Variants in WIPF1 observed in about 807,000 individuals in gnomAD.
The protein encoded by WIPF1 is WAS/WASL interacting protein family member 1, also known as WAS/WASL-interacting protein family member 1.
WIPF1 carries 13 observed loss-of-function variants against 35.4 expected under a neutral mutation model. That is an observed-to-expected ratio of 0.37 (90% CI 0.24 to 0.58). The LOEUF is 0.58. Ranked by LOEUF, WIPF1 falls within the 20% of genes least tolerant of loss-of-function variation. The pLI is 0.74. For missense variants in WIPF1, 591 were observed against 667.0 expected (o/e 0.89, Z 1.25); for synonymous variants, 267 against 266.3 (o/e 1.00, Z -0.02).
intron 1 of WIPF1, among the ~76,000 whole-genome samples, chr2:174,657,807 G>A (rs1687675299): frequency 1.3e-5 from 2 of 151,936 alleles, no homozygotes; most frequent in African/African-American, 4.8e-5. Context: ...CTACTCGGGA[G>A]GCTGGGGCAG....
intron 1 of WIPF1, among the ~76,000 whole-genome samples, chr2:174,615,383 A>G (rs901025927): frequency 1.3e-5 from 2 of 152,174 alleles, no homozygotes; most frequent in African/African-American, 4.8e-5. Context: ...ATCACTATAA[A>G]TGTAGCATGG....
At chr2:174,605,270 CA>C (rs769646502) in intron 1 of WIPF1, among the ~76,000 whole-genome samples, 12 of 151,982 alleles carry the variant, frequency 7.9e-5, no homozygotes, top group Non-Finnish European at 1.5e-4. Flanking sequence ...CTGTCCCTAC[CA>C]AAAATACAAA....
intron 1 of WIPF1, among the ~76,000 whole-genome samples, chr2:174,617,914 AG>A (rs367805439): frequency 2.0e-5 from 3 of 152,242 alleles, no homozygotes; most frequent in African/African-American, 7.2e-5. Flanking sequence ...GGAAAGGCAG[AG>A]GTTCAATAAA....
chr2:174,682,878 G>A (rs1452820361), exon 1 of WIPF1: 1 of 152,198 alleles, frequency 6.6e-6, no homozygotes, highest in Non-Finnish European at 1.5e-5. Context: ...GGCAGGAAAA[G>A]CGCTCAGCGC....
chr2:174,656,684 C>T (rs1392977941), intron 1 of WIPF1, among the ~76,000 whole-genome samples: 5 of 152,190 alleles, frequency 3.3e-5, no homozygotes. Context: ...AATCCCATGG[C>T]CAACCTATCC....
intron 1 of WIPF1, among the ~76,000 whole-genome samples, chr2:174,632,902 T>G (rs1407897299): frequency 6.6e-6 from 1 of 152,258 alleles, no homozygotes; most frequent in African/African-American, 2.4e-5. Context: ...TCGAGGGATG[T>G]CCAGCCACTG....
intron 1 of WIPF1, chr2:174,656,384 A>T (rs752263443): frequency 6.6e-6 from 1 of 152,276 alleles, no homozygotes. Context: ...ACTTCACAGA[A>T]TAAGTTTCAT....
intron 7 of WIPF1, chr2:174,566,419 T>A (rs560493658): frequency 6.6e-6 from 1 of 152,318 alleles, no homozygotes; most frequent in East Asian, 1.9e-4. Context: ...AATTTAAATG[T>A]CCATGGTAAT....
intron 1 of WIPF1, among the ~76,000 whole-genome samples, chr2:174,653,648 G>C (rs1023589991): frequency 7.9e-5 from 12 of 151,328 alleles, no homozygotes; most frequent in South Asian, 2.1e-4. Flanking sequence ...AGGCTGAGGC[G>C]GGAGAATGGC....
intron 1 of WIPF1, chr2:174,673,134 C>G (rs944971104): frequency 6.6e-6 from 1 of 152,254 alleles, no homozygotes; most frequent in Non-Finnish European, 1.5e-5. Flanking sequence ...AAGGTGCCAA[C>G]TGGTCCTGAT....
At chr2:174,588,313 C>T (rs1466378450) in intron 1 of WIPF1, among the ~76,000 whole-genome samples, 3 of 152,196 alleles carry the variant, frequency 2.0e-5, no homozygotes, top group East Asian at 1.9e-4. Context: ...TCTGACTCCA[C>T]GTTCACCGAT....
In WIPF1 at chr2:174,567,869, G is replaced by T. The variant is rs750915536; in HGVS notation, c.1334C>A (p.Pro445Gln). 1 of 1,587,090 alleles carries T rather than the reference G, an allele frequency of 6.3e-7. No homozygotes were observed. Among genetic ancestry groups the T allele is most frequent in the South Asian group, 1.1e-5 (1 of 87,538 alleles). The change falls in exon 6 of 8, where the codon CCA becomes CAA. Residue 445 changes from proline (P) to glutamine (Q), a missense_variant. Pro to Gln is a moderately conservative substitution (Grantham distance 76, BLOSUM62 -1). Transcript: ENST00000679041. ...TSIRNGFQDSPCEDEWESRFY... is the reference protein window; with the variant it reads ...TSIRNGFQDSQCEDEWESRFY... ...CTGGGACCACACCTCACCTTCACAT[G>T]GAGAGTCTTGGAAGCCATTTCTAAT...
intron 1 of WIPF1, among the ~76,000 whole-genome samples, chr2:174,660,088 T>A (rs1460798869): frequency 6.6e-6 from 1 of 152,162 alleles, no homozygotes; most frequent in Admixed American, 6.5e-5. Flanking sequence ...GCAAGGTGGT[T>A]TGGAACCAGG....
chr2:174,571,508 C>T lies in WIPF1; in HGVS notation c.1129+168G>A, dbSNP rs1407641269. ...CAGAAATATTGGTCCCACTTTCCCC[C>T]GGGGTTTACACGAGGTCACGATCAC... On this transcript the variant is annotated intron_variant, in intron 5 of 7. Coordinates refer to ENST00000679041, the MANE Select transcript of WIPF1 (RefSeq NM_001375834.1). The surrounding 1 kb of genome is among the most constrained non-coding windows in gnomAD (Gnocchi z 4.6). 2.7e-5 allele frequency: 24 copies of T among 885,210 alleles called. No individual in the cohort carries two copies. The highest frequency in any genetic ancestry group is 3.9e-5 in the Non-Finnish European group (21 of 535,524). The allele number at this position is 885,210 out of a possible 1,614,324, so 54.8% of individuals were successfully genotyped here. A position where few individuals can be genotyped will look rare whatever the true frequency, so the allele number is the denominator to read the frequency against.
intron 7 of WIPF1, among the ~76,000 whole-genome samples, chr2:174,565,696 G>A (rs1174602793): frequency 6.6e-6 from 1 of 152,154 alleles, no homozygotes; most frequent in Non-Finnish European, 1.5e-5. Flanking sequence ...TTGAGTACAT[G>A]TAAGGTGCTC....
intron 1 of WIPF1, among the ~76,000 whole-genome samples, chr2:174,613,933 A>G (rs1348430262): frequency 6.6e-6 from 1 of 152,190 alleles, no homozygotes; most frequent in Non-Finnish European, 1.5e-5. Flanking sequence ...TTGAGTCTCC[A>G]TTTATGTCAT....
intron 1 of WIPF1, among the ~76,000 whole-genome samples, chr2:174,627,548 CT>C (rs1231251170): frequency 1.2e-3 from 153 of 122,746 alleles, no homozygotes; most frequent in Admixed American, 1.4e-3. Flanking sequence ...CTTTCTCTTT[CT>C]TTTTTTTTTT....
chr2:174,620,923 C>T (rs867353677), intron 1 of WIPF1, among the ~76,000 whole-genome samples: 11 of 152,176 alleles, frequency 7.2e-5, no homozygotes, highest in Middle Eastern at 3.2e-3. Flanking sequence ...GCTGCTGTCA[C>T]ATGTGGCTAA....
chr2:174,667,972 G>A (rs1232747466), intron 1 of WIPF1, among the ~76,000 whole-genome samples: 1 of 152,074 alleles, frequency 6.6e-6, no homozygotes, highest in African/African-American at 2.4e-5. Flanking sequence ...CAGAAGGCAG[G>A]GGCTGTGCAG....
Sources: gnomAD v4.1 joint callset for allele counts (sites outside exome capture counted in the v4.1 genomes callset) on GRCh38, gnomAD v4.1.1 for gene constraint, Gnocchi (gnomAD v3.1) non-coding constraint, MANE v1.5 for transcripts, NCBI Gene and HGNC (gene_info 2026-07-23, HGNC 2026-07-21) for gene names.